The following CDK19 variants were observed in gnomAD, a reference collection of about 807,000 sequenced individuals.
CDK19 encodes the protein cyclin dependent kinase 19.
CDK19 carries 20 observed loss-of-function variants against 68.3 expected under a neutral mutation model. The observed-to-expected ratio is 0.29, with a 90% CI of 0.21 to 0.43. The LOEUF is 0.43. Ranked by LOEUF, CDK19 falls within the 20% of genes least tolerant of loss-of-function variation. The probability of loss-of-function intolerance (pLI) is 1.00; values close to 1 mark genes in which losing one functional copy is unlikely to be tolerated. For synonymous variants in CDK19, 221 were observed against 222.8 expected, an observed-to-expected ratio of 0.99 and a Z score of 0.07; for missense variants, 339 against 623.5, an observed-to-expected ratio of 0.54 and a Z score of 4.86.
intron 4 of CDK19, among the ~76,000 whole-genome samples, chr6:110,655,917 C>G (rs1781284281): frequency 6.6e-6 from 1 of 152,208 alleles, no homozygotes; most frequent in South Asian, 2.1e-4. Context: ...ATCTGGTCCT[C>G]TTTCTCCTGC....
Position 110,752,904 on chromosome 6 carries a change from G to A in CDK19, c.129-6703C>T, listed in dbSNP as rs190447009. On this transcript the variant is annotated intron_variant, in intron 1 of 12. Transcript: ENST00000368911. ...TACAAACTGATTGACTAGTTATCTCGGGTTTTTTTTGTTTTTGGTTTTTTA... is the reference window on the plus strand; with the variant it reads ...TACAAACTGATTGACTAGTTATCTCAGGTTTTTTTTGTTTTTGGTTTTTTA... Among the ~76,000 whole-genome samples, 90 of 149,730 alleles carry A rather than the reference G, an allele frequency of 6.0e-4. 1 individual carries two copies. The East Asian group carries it at 0.017, about 28-fold the overall frequency.
chr6:110,808,133 GAATT>G (rs1782812310), intron 1 of CDK19, among the ~76,000 whole-genome samples: 1 of 152,108 alleles, frequency 6.6e-6, no homozygotes, highest in Non-Finnish European at 1.5e-5. Flanking sequence ...ATGGATCAGA[GAATT>G]ATTTGTTGCT....
At chr6:110,635,899 G>A (rs1779748379) in intron 5 of CDK19, among the ~76,000 whole-genome samples, 1 of 152,144 alleles carries the variant, frequency 6.6e-6, no homozygotes, top group Non-Finnish European at 1.5e-5. Context: ...ATAGGCATTG[G>A]TATTACTAAT....
At chr6:110,735,058 A>T (rs1434143154) in intron 2 of CDK19, among the ~76,000 whole-genome samples, 1 of 152,136 alleles carries the variant, frequency 6.6e-6, no homozygotes, top group Non-Finnish European at 1.5e-5. Context: ...AAGGAAAATC[A>T]GAATGGATCA....
chr6:110,685,117 G>A (rs1467637180), intron 2 of CDK19, among the ~76,000 whole-genome samples: 2 of 152,028 alleles, frequency 1.3e-5, no homozygotes, highest in East Asian at 1.9e-4. Flanking sequence ...CAGCCTGGGC[G>A]ACACAGCGAA....
At chr6:110,713,973 T>C (rs1775169327) in intron 2 of CDK19, among the ~76,000 whole-genome samples, 1 of 152,254 alleles carries the variant, frequency 6.6e-6, no homozygotes, top group African/African-American at 2.4e-5. Flanking sequence ...TTTTAAAGTA[T>C]GGAATTCAGT....
intron 2 of CDK19, among the ~76,000 whole-genome samples, chr6:110,680,387 C>T (rs537683614): frequency 2.0e-5 from 3 of 152,252 alleles, no homozygotes; most frequent in African/African-American, 7.2e-5. Context: ...CACAGGGGAA[C>T]ACAAGTGAAG....
At chr6:110,782,774 T>C (rs953186685) in intron 1 of CDK19, among the ~76,000 whole-genome samples, 30 of 152,336 alleles carry the variant, frequency 2.0e-4, no homozygotes, top group Admixed American at 1.4e-3. Context: ...CACCAAATTC[T>C]ATAGCCTGGC....
At chr6:110,656,241 T>C (rs539666283) in intron 4 of CDK19, among the ~76,000 whole-genome samples, 1 of 152,286 alleles carries the variant, frequency 6.6e-6, no homozygotes, top group African/African-American at 2.4e-5. Flanking sequence ...AACTCTGTAT[T>C]CCCAGTACCC....
At chr6:110,757,933 G>A (rs1778943649) in intron 1 of CDK19, among the ~76,000 whole-genome samples, 1 of 152,178 alleles carries the variant, frequency 6.6e-6, no homozygotes. Context: ...GCTCACATCT[G>A]TAATCCCAGC....
intron 1 of CDK19, among the ~76,000 whole-genome samples, chr6:110,769,574 A>C (rs199840603): frequency 6.8e-6 from 1 of 146,492 alleles, no homozygotes; most frequent in African/African-American, 2.7e-5. Context: ...CAAAAAAAAA[A>C]AAAAATAATA....
intron 2 of CDK19, among the ~76,000 whole-genome samples, chr6:110,701,830 A>G (rs1774033557): frequency 6.6e-6 from 1 of 152,032 alleles, no homozygotes; most frequent in Non-Finnish European, 1.5e-5. Context: ...ATAGCCATTA[A>G]AAAAGAATGC....
chr6:110,792,494 G>A (rs1244024235), intron 1 of CDK19, among the ~76,000 whole-genome samples: 5 of 151,872 alleles, frequency 3.3e-5, no homozygotes, highest in Non-Finnish European at 5.9e-5. Context: ...TGCAACCTCC[G>A]CCTCTCAGGT....
At chr6:110,795,249 G>A (rs1367614704) in intron 1 of CDK19, among the ~76,000 whole-genome samples, 1 of 152,238 alleles carries the variant, frequency 6.6e-6, no homozygotes, top group African/African-American at 2.4e-5. Context: ...GGGATTACAA[G>A]TGTGAGTCAC....
chr6:110,786,599 G>A (rs921148194), intron 1 of CDK19, among the ~76,000 whole-genome samples: 4 of 151,858 alleles, frequency 2.6e-5, no homozygotes, highest in South Asian at 2.1e-4. Flanking sequence ...ATAGGGTACC[G>A]CGTGTAATGA....
At chr6:110,770,147 G>A (rs993473578) in intron 1 of CDK19, among the ~76,000 whole-genome samples, 1 of 152,204 alleles carries the variant, frequency 6.6e-6, no homozygotes, top group East Asian at 1.9e-4. Context: ...GTGTGCTCCT[G>A]TGTTGGGCAC....
intron 8 of CDK19, among the ~76,000 whole-genome samples, chr6:110,625,374 T>G (rs1388362966): frequency 6.6e-6 from 1 of 152,100 alleles, no homozygotes. Context: ...TTGCCCAGGC[T>G]AGTCTCAAAC....
At chr6:110,662,220 T>C (rs568750678) in intron 4 of CDK19, among the ~76,000 whole-genome samples, 7 of 152,324 alleles carry the variant, frequency 4.6e-5, no homozygotes, top group Non-Finnish European at 8.8e-5. Flanking sequence ...TCCACCCGCC[T>C]TGGCCTCCTG....
intron 2 of CDK19, among the ~76,000 whole-genome samples, chr6:110,676,476 A>G (rs1175359296): frequency 6.6e-6 from 1 of 152,230 alleles, no homozygotes; most frequent in Non-Finnish European, 1.5e-5. Flanking sequence ...AATGCTATCA[A>G]ATAGCATTGC....
Sources: allele counts gnomAD v4.1 joint callset (sites outside exome capture counted in the v4.1 genomes callset), GRCh38; gene constraint gnomAD v4.1.1; transcripts MANE v1.5; gene names NCBI Gene and HGNC (gene_info 2026-07-23, HGNC 2026-07-21).